P3H2: variants seen among roughly 807,000 people sequenced by gnomAD.
P3H2 encodes prolyl 3-hydroxylase 2.
Under a neutral mutation model 87.0 loss-of-function variants are expected in P3H2, and 80 were observed. The ratio of observed to expected loss-of-function variants is 0.92; its 90% confidence interval spans 0.77 to 1.11. The LOEUF (loss-of-function observed/expected upper bound fraction) is 1.11. Among genes scored for constraint, P3H2 ranks in the 50% least tolerant of loss-of-function variants. The probability of loss-of-function intolerance (pLI) is 0.00; values close to 1 mark genes in which losing one functional copy is unlikely to be tolerated. For synonymous variants in P3H2, 367 were observed against 359.3 expected, an observed-to-expected ratio of 1.02 and a Z score of -0.24; for missense variants, 1,001 against 923.9, an observed-to-expected ratio of 1.08 and a Z score of -1.08.
At chr3:190,018,675 C>T (rs1724844565) in intron 1 of P3H2, among the ~76,000 whole-genome samples, 1 of 152,148 alleles carries the variant, frequency 6.6e-6, no homozygotes, top group African/African-American at 2.4e-5. Flanking sequence ...TGCCACTGTA[C>T]TTCAGCCTGG....
At chr3:190,006,446 T>A (rs1018799587) in intron 1 of P3H2, among the ~76,000 whole-genome samples, 4 of 152,248 alleles carry the variant, frequency 2.6e-5, no homozygotes, top group African/African-American at 9.6e-5. Context: ...GTCTTGTTTA[T>A]GTAACAGGTT....
chr3:190,110,396 G>T (rs537460817), intron 1 of P3H2, among the ~76,000 whole-genome samples: 1 of 152,256 alleles, frequency 6.6e-6, no homozygotes, highest in South Asian at 2.1e-4. Flanking sequence ...CCAAGGCTGA[G>T]AAACCCGGAC....
intron 11 of P3H2, 26 bp downstream of exon 11, chr3:189,972,848 G>T: frequency 6.2e-7 from 1 of 1,613,406 alleles, no homozygotes; most frequent in South Asian, 1.1e-5. Context: ...TGGGTAAAAG[G>T]GAACCATTTC....
intron 1 of P3H2, among the ~76,000 whole-genome samples, chr3:190,071,454 A>T (rs1726694012): frequency 6.6e-6 from 1 of 152,262 alleles, no homozygotes; most frequent in Non-Finnish European, 1.5e-5. Context: ...TCTGAATAAC[A>T]TTAATCACTA....
intron 8 of P3H2, among the ~76,000 whole-genome samples, chr3:189,980,392 G>A (rs895811992): frequency 4.6e-5 from 7 of 151,934 alleles, no homozygotes; most frequent in African/African-American, 1.5e-4. Flanking sequence ...GTGAAATCTC[G>A]TCTCTACTAA....
At chr3:190,082,691 G>A (rs1727082460) in intron 1 of P3H2, among the ~76,000 whole-genome samples, 1 of 152,058 alleles carries the variant, frequency 6.6e-6, no homozygotes, top group Admixed American at 6.5e-5. Flanking sequence ...TTCAACCTTA[G>A]GATTCTTAAC....
chr3:190,058,161 C>T (rs962322737), intron 1 of P3H2, among the ~76,000 whole-genome samples: 1 of 152,096 alleles, frequency 6.6e-6, no homozygotes, highest in Non-Finnish European at 1.5e-5. Flanking sequence ...ATATATTCCT[C>T]AACACATAAC....
At chr3:190,042,240 T>C (rs1231555235) in intron 1 of P3H2, among the ~76,000 whole-genome samples, 2 of 152,222 alleles carry the variant, frequency 1.3e-5, no homozygotes, top group South Asian at 4.1e-4. Flanking sequence ...CTGAGGGTTA[T>C]TGCCATATTT....
chr3:190,051,275 A>T (rs1297565762), intron 1 of P3H2, among the ~76,000 whole-genome samples: 1 of 152,234 alleles, frequency 6.6e-6, no homozygotes, highest in African/African-American at 2.4e-5. Flanking sequence ...TTTTGTCAGG[A>T]TGATGAACAA....
chr3:190,011,307 T>A (rs1481713061), intron 1 of P3H2, among the ~76,000 whole-genome samples: 3 of 149,864 alleles, frequency 2.0e-5, no homozygotes, highest in Admixed American at 6.6e-5. Context: ...CATGCAAAAA[T>A]GAAAATGTCT....
intron 1 of P3H2, among the ~76,000 whole-genome samples, chr3:190,104,971 ATACAT>A (rs1711774201): frequency 6.6e-6 from 1 of 152,216 alleles, no homozygotes; most frequent in African/African-American, 2.4e-5. Context: ...ATGGCCTAAA[ATACAT>A]TAACTAGAAT....
chr3:190,003,293 A>G (rs1724272675), intron 1 of P3H2, among the ~76,000 whole-genome samples: 1 of 152,160 alleles, frequency 6.6e-6, no homozygotes, highest in African/African-American at 2.4e-5. Flanking sequence ...TTAGTGTTAA[A>G]CACTAATGGT....
chr3:189,973,873 T>C, intron 10 of P3H2, 36 bp downstream of exon 10: 1 of 1,496,870 alleles, frequency 6.7e-7, no homozygotes, highest in Non-Finnish European at 9.3e-7. Flanking sequence ...AGGCTGACAC[T>C]AAGGAACTCA....
At chr3:190,071,266 A>G (rs555209205) in intron 1 of P3H2, among the ~76,000 whole-genome samples, 24 of 152,360 alleles carry the variant, frequency 1.6e-4, no homozygotes, top group African/African-American at 5.5e-4. Flanking sequence ...TAATTTTGAA[A>G]TGTCTTATTA....
At chr3:190,048,751 C>A (rs1725884110) in intron 1 of P3H2, among the ~76,000 whole-genome samples, 1 of 151,992 alleles carries the variant, frequency 6.6e-6, no homozygotes, top group Non-Finnish European at 1.5e-5. Context: ...GCTACATATC[C>A]CAGAAGCAAT....
intron 1 of P3H2, among the ~76,000 whole-genome samples, chr3:190,040,759 C>G (rs1346310832): frequency 6.6e-6 from 1 of 151,638 alleles, no homozygotes; most frequent in Non-Finnish European, 1.5e-5. Context: ...GAACTCTATG[C>G]AAAAAATGAG....
chr3:190,087,129 G>A (rs1435001950), intron 1 of P3H2, among the ~76,000 whole-genome samples: 1 of 152,042 alleles, frequency 6.6e-6, no homozygotes, highest in Non-Finnish European at 1.5e-5. Flanking sequence ...ATACTACCAG[G>A]TAGAACAAAT....
At chr3:189,974,451 A>C in intron 9 of P3H2, 107 bp downstream of exon 9, 1 of 1,413,490 alleles carries the variant, frequency 7.1e-7, no homozygotes, top group Non-Finnish European at 9.9e-7. Context: ...TCAAGAAAGC[A>C]ATATTTCAGG....
chr3:190,112,657 T>C (rs1265274331), intron 1 of P3H2, among the ~76,000 whole-genome samples: 1 of 152,182 alleles, frequency 6.6e-6, no homozygotes, highest in Non-Finnish European at 1.5e-5. Flanking sequence ...AACGATATAG[T>C]ACAGTAGAGC....
Sources: gnomAD v4.1 joint callset for allele counts (sites outside exome capture counted in the v4.1 genomes callset) on GRCh38, gnomAD v4.1.1 for gene constraint, MANE v1.5 for transcripts, NCBI Gene and HGNC (gene_info 2026-07-23, HGNC 2026-07-21) for gene names.